EPN2: variants seen among roughly 807,000 people sequenced by gnomAD.
EPN2 encodes epsin 2.
Under a neutral mutation model 61.7 loss-of-function variants are expected in EPN2, and 34 were observed. The observed-to-expected ratio is 0.55, with a 90% CI of 0.42 to 0.73. The LOEUF is 0.73. EPN2 is among the 30% of genes least tolerant of loss of function. The probability of loss-of-function intolerance (pLI) is 0.00; values close to 1 mark genes in which losing one functional copy is unlikely to be tolerated. For missense variants in EPN2, 714 were observed against 839.2 expected, an observed-to-expected ratio of 0.85 and a Z score of 1.84; for synonymous variants, 349 against 353.6, an observed-to-expected ratio of 0.99 and a Z score of 0.15.
At chr17:19,284,198 A>G (rs2152217858) in intron 3 of EPN2, among the ~76,000 whole-genome samples, 1 of 152,346 alleles carries the variant, frequency 6.6e-6, no homozygotes, top group South Asian at 2.1e-4. Flanking sequence ...TACTTCAGCA[A>G]AAAAACTTGT....
At chr17:19,265,948 A>G (rs2045193055) in intron 1 of EPN2, among the ~76,000 whole-genome samples, 1 of 150,926 alleles carries the variant, frequency 6.6e-6, no homozygotes, top group South Asian at 2.1e-4. Flanking sequence ...TCATGTTTCC[A>G]CTCTGTTTAT....
chr17:19,285,788 G>A lies in EPN2; in HGVS notation c.764G>A (p.Arg255Gln), dbSNP rs200556150. The part of the protein sequence containing the change: ...QPCLTCDRAA[R>Q]ATSPRVSSEL... ...TGCCTCACTTGTGACCGCGCAGCCCGAGGTGGGACGGCGGTTTGCTTTTTT... is the reference window on the plus strand; with the variant it reads ...TGCCTCACTTGTGACCGCGCAGCCCAAGGTGGGACGGCGGTTTGCTTTTTT... The change falls in exon 4 of 11, where the codon CGA becomes CAA. Residue 255 changes from arginine (R) to glutamine (Q), a missense_variant and splice_region_variant. This residue lies in a region of EPN2 where 304 missense variants were observed against 417.4 expected (regional missense o/e 0.73). Coordinates refer to ENST00000314728, the MANE Select transcript of EPN2 (RefSeq NM_014964.5). This position sits in a 1 kb window ranked among gnomAD's most constrained non-coding sequence, Gnocchi z 4.5. 6.9e-6 allele frequency: 11 copies of A among 1,586,234 alleles called. No homozygotes were observed. Among genetic ancestry groups the A allele is most frequent in the Admixed American group, 1.8e-5 (1 of 56,728 alleles).
chr17:19,306,583 A>G (rs1436991051), intron 4 of EPN2, among the ~76,000 whole-genome samples: 1 of 152,250 alleles, frequency 6.6e-6, no homozygotes, highest in Admixed American at 6.5e-5. Context: ...AGACGTAAAC[A>G]TGTACATTTG....
intron 1 of EPN2, among the ~76,000 whole-genome samples, chr17:19,243,468 C>A (rs975910451): frequency 6.9e-6 from 1 of 145,370 alleles, no homozygotes; most frequent in African/African-American, 2.6e-5. Flanking sequence ...TCTCAGCTCA[C>A]TGCAAGCTCC....
intron 7 of EPN2, among the ~76,000 whole-genome samples, chr17:19,320,337 C>T (rs1452344272): frequency 6.6e-6 from 1 of 152,156 alleles, no homozygotes; most frequent in Non-Finnish European, 1.5e-5. Flanking sequence ...GGACTGCTGA[C>T]CAAATGTTGC....
At chr17:19,266,922 C>T (rs1005382663) in intron 1 of EPN2, among the ~76,000 whole-genome samples, 1 of 148,198 alleles carries the variant, frequency 6.7e-6, no homozygotes, top group Non-Finnish European at 1.5e-5. Context: ...CACGGTGGCT[C>T]AGGCCTGTAA....
chr17:19,318,905 C>G (rs371644928), intron 7 of EPN2, among the ~76,000 whole-genome samples: 1 of 151,770 alleles, frequency 6.6e-6, no homozygotes, highest in Non-Finnish European at 1.5e-5. Context: ...AGAATTCTTC[C>G]GGAAATGTTG....
chr17:19,312,410 G>T (rs1240363954), intron 6 of EPN2, among the ~76,000 whole-genome samples: 1 of 152,200 alleles, frequency 6.6e-6, no homozygotes, highest in African/African-American at 2.4e-5. Flanking sequence ...CTGCCGCTGT[G>T]GCTACGGCAG....
intron 1 of EPN2, among the ~76,000 whole-genome samples, chr17:19,254,567 CAG>C (rs1477779787): frequency 1.3e-5 from 2 of 152,022 alleles, no homozygotes; most frequent in Non-Finnish European, 1.5e-5. Context: ...AAAACAAAAA[CAG>C]AAAACTGTAC....
chr17:19,306,514 A>G (rs1215641977), intron 4 of EPN2, among the ~76,000 whole-genome samples: 5 of 152,260 alleles, frequency 3.3e-5, no homozygotes, highest in African/African-American at 7.2e-5. Flanking sequence ...GTGACGAGCT[A>G]TGATGTGGTG....
chr17:19,278,414 T>C (rs1045884496), intron 1 of EPN2, among the ~76,000 whole-genome samples: 2 of 152,138 alleles, frequency 1.3e-5, no homozygotes, highest in African/African-American at 4.8e-5. Flanking sequence ...GAAAGGCACT[T>C]CTTACATGGC....
intron 8 of EPN2, chr17:19,329,172 T>C: frequency 2.2e-6 from 1 of 457,582 alleles, no homozygotes; most frequent in South Asian, 3.9e-5. Context: ...GTGGGTCCTG[T>C]CCTCACCCCT....
intron 5 of EPN2, 134 bp downstream of exon 5, chr17:19,310,131 A>T: frequency 4.5e-6 from 3 of 671,158 alleles, no homozygotes; most frequent in Non-Finnish European, 8.0e-6. Context: ...ATGGCATTTC[A>T]TGCTGCCGTA....
intron 7 of EPN2, among the ~76,000 whole-genome samples, chr17:19,315,145 C>T (rs867077731): frequency 6.6e-6 from 1 of 152,154 alleles, no homozygotes. Context: ...TAAGTTTTTC[C>T]CAGTCAGGAG....
At chr17:19,318,024 T>C (rs1906468794) in intron 7 of EPN2, among the ~76,000 whole-genome samples, 1 of 152,254 alleles carries the variant, frequency 6.6e-6, no homozygotes, top group South Asian at 2.1e-4. Context: ...TGGGGGGCTT[T>C]GCCCATTTGT....
chr17:19,306,880 T>C (rs1272965526), intron 4 of EPN2, among the ~76,000 whole-genome samples: 1 of 152,210 alleles, frequency 6.6e-6, no homozygotes, highest in Non-Finnish European at 1.5e-5. Flanking sequence ...CAATATTTGC[T>C]TTATAGCAAG....
At chr17:19,266,700 C>G (rs2045202310) in intron 1 of EPN2, among the ~76,000 whole-genome samples, 3 of 151,854 alleles carry the variant, frequency 2.0e-5, no homozygotes, top group Non-Finnish European at 2.9e-5. Context: ...CCACGCCCGG[C>G]CATCTCAGCA....
At chr17:19,252,688 C>A (rs550638663) in intron 1 of EPN2, among the ~76,000 whole-genome samples, 19 of 152,184 alleles carry the variant, frequency 1.2e-4, no homozygotes, top group African/African-American at 4.3e-4. Context: ...TATATTTACA[C>A]AAAATCTTGA....
At chr17:19,291,206 C>A (rs913056077) in intron 4 of EPN2, among the ~76,000 whole-genome samples, 1 of 152,210 alleles carries the variant, frequency 6.6e-6, no homozygotes, top group Non-Finnish European at 1.5e-5. Context: ...TGGTTTGATA[C>A]TGTGCAGCTG....
Sources: gnomAD v4.1 joint callset for allele counts (sites outside exome capture counted in the v4.1 genomes callset) on GRCh38, gnomAD v4.1.1 for gene constraint, gnomAD v4.1.1 regional missense constraint, Gnocchi (gnomAD v3.1) non-coding constraint, MANE v1.5 for transcripts, NCBI Gene and HGNC (gene_info 2026-07-23, HGNC 2026-07-21) for gene names.